Variants in MNAT1 observed in about 807,000 individuals in gnomAD.
MNAT1 encodes MNAT1 component of CDK activating kinase, also known as CDK-activating kinase assembly factor MAT1.
A neutral mutation model predicts 42.0 loss-of-function variants in MNAT1; 43 were observed. That is an observed-to-expected ratio of 1.02 (90% CI 0.80 to 1.32). MNAT1 has a LOEUF of 1.32. Among genes scored for constraint, MNAT1 ranks in the 40% most tolerant of loss-of-function variants. The pLI is 0.00. For missense variants in MNAT1, 306 were observed against 350.4 expected, an observed-to-expected ratio of 0.87 and a Z score of 1.01; for synonymous variants, 118 against 120.0, an observed-to-expected ratio of 0.98 and a Z score of 0.11.
intron 6 of MNAT1, among the ~76,000 whole-genome samples, chr14:60,828,976 T>G (rs183683111): frequency 6.6e-6 from 1 of 152,308 alleles, no homozygotes; most frequent in African/African-American, 2.4e-5. Flanking sequence ...CACCTCCATG[T>G]GTTCAGCAAC....
At chr14:60,896,392 A>T (rs1028737355) in intron 7 of MNAT1, among the ~76,000 whole-genome samples, 1 of 152,116 alleles carries the variant, frequency 6.6e-6, no homozygotes, top group Admixed American at 6.5e-5. Flanking sequence ...ACTACCTTCC[A>T]CTCAAAGAAG....
At chr14:60,895,724 G>C (rs2034942827) in intron 7 of MNAT1, among the ~76,000 whole-genome samples, 1 of 152,068 alleles carries the variant, frequency 6.6e-6, no homozygotes, top group Non-Finnish European at 1.5e-5. Flanking sequence ...TTGACACCAG[G>C]AGTTCAAGAC....
chr14:60,768,770 A>G (rs1006145271), intron 1 of MNAT1, among the ~76,000 whole-genome samples: 3 of 152,238 alleles, frequency 2.0e-5, no homozygotes, highest in African/African-American at 7.2e-5. Context: ...ACAAACTAGT[A>G]AATGGCTCAG....
chr14:60,735,686 A>T (rs1896285692), intron 1 of MNAT1, among the ~76,000 whole-genome samples: 2 of 152,338 alleles, frequency 1.3e-5, no homozygotes, highest in South Asian at 2.1e-4. Flanking sequence ...GAACCCAGGA[A>T]GTCTGACTTT....
At chr14:60,854,241 G>C (rs1376196615) in intron 6 of MNAT1, among the ~76,000 whole-genome samples, 1 of 152,124 alleles carries the variant, frequency 6.6e-6, no homozygotes, top group East Asian at 1.9e-4. Context: ...CATTGAGTTA[G>C]AACGTGCTCC....
intron 1 of MNAT1, among the ~76,000 whole-genome samples, chr14:60,748,318 C>G (rs1258391418): frequency 6.6e-6 from 1 of 152,136 alleles, no homozygotes; most frequent in Non-Finnish European, 1.5e-5. Flanking sequence ...GCAGTCTTGA[C>G]ATCCCTGGCT....
chr14:60,844,857 CAA>C (rs1327004474), intron 6 of MNAT1, among the ~76,000 whole-genome samples: 3 of 151,968 alleles, frequency 2.0e-5, no homozygotes, highest in Non-Finnish European at 4.4e-5. Flanking sequence ...TGAATTCTGT[CAA>C]GTGCTTTTTC....
At chr14:60,742,464 T>C (rs749090239) in intron 1 of MNAT1, among the ~76,000 whole-genome samples, 1 of 152,214 alleles carries the variant, frequency 6.6e-6, no homozygotes, top group Non-Finnish European at 1.5e-5. Context: ...TTGTTGTTAT[T>C]TTTGCTTTAA....
chr14:60,936,310 T>C (rs995186958), intron 7 of MNAT1, among the ~76,000 whole-genome samples: 1 of 152,134 alleles, frequency 6.6e-6, no homozygotes, highest in African/African-American at 2.4e-5. Context: ...ACATGTGTCA[T>C]GTTGGTGTGC....
chr14:60,796,035 A>G (rs549664296), intron 1 of MNAT1, among the ~76,000 whole-genome samples, 182 bp from the exon 2 acceptor site: 44 of 152,352 alleles, frequency 2.9e-4, no homozygotes, highest in African/African-American at 1.0e-3. Context: ...TGGGATACCT[A>G]TATCTGAAAA....
At chr14:60,901,518 G>C (rs1346081138) in intron 7 of MNAT1, among the ~76,000 whole-genome samples, 1 of 152,160 alleles carries the variant, frequency 6.6e-6, no homozygotes, top group Non-Finnish European at 1.5e-5. Flanking sequence ...TTCCTCTGAT[G>C]GATCTGGATG....
rs144070767 is a variant in MNAT1, at chr14:60,877,244, T to C, written c.688-2470T>C. Among the ~76,000 whole-genome samples, 1,084 of 152,198 alleles carry C rather than the reference T, an allele frequency of 7.1e-3. 17 individuals carry two copies. Among genetic ancestry groups the C allele is most frequent in the African/African-American group, 0.025 (1,028 of 41,568 alleles). On this transcript the variant is annotated intron_variant, in intron 6 of 7. Transcript: ENST00000261245. ...ACCTATTGGCAATATGTATATCTTA[T>C]GTGGTGAAATCTCTGTTCAAATCCT...
rs886865672 is a variant in MNAT1, at chr14:60,904,297, TTGG to T, written c.809+24467_809+24469del. Among the ~76,000 whole-genome samples, 5 of 152,338 alleles carry T rather than the reference TTGG, an allele frequency of 3.3e-5. 1 individual carries two copies. Among genetic ancestry groups the T allele is most frequent in the Admixed American group, 1.3e-4 (2 of 15,306 alleles). On this transcript the variant is annotated intron_variant, in intron 7 of 7. Coordinates refer to ENST00000261245, the MANE Select transcript of MNAT1 (RefSeq NM_002431.4). The stretch of plus-strand genomic sequence containing the variant: ...ATATAACATATAATTTATACTATAC[TTGG>T]TGGTAATTATGAAAATATTACTAAA...
rs35945471 is a variant in MNAT1 at position 60,834,923 on chromosome 14, CCCTTCCTTCCTTCCTTCCTT to C, written c.687+16112_687+16131del. Reference sequence around the variant, plus strand: ...TTGATCCCTTTACCATTATGTAGTGCCCTTCCTTCCTTCCTTCCTTCCTTCCTTCCTTCCTTCCTTCCTTC... The same window carrying C: ...TTGATCCCTTTACCATTATGTAGTGCCCTTCCTTCCTTCCTTCCTTCCTTC... On this transcript the variant is annotated intron_variant, in intron 6 of 7. Coordinates refer to ENST00000261245, the MANE Select transcript of MNAT1 (RefSeq NM_002431.4). 7.9e-3 allele frequency among the ~76,000 whole-genome samples: 746 copies of C among 93,936 alleles called. 8 individuals carry two copies. Among genetic ancestry groups the C allele is most frequent in the African/African-American group, 0.029 (639 of 22,030 alleles). The allele number at this position is 93,936 out of a possible 152,430, so 61.6% of individuals were successfully genotyped here.
intron 7 of MNAT1, among the ~76,000 whole-genome samples, chr14:60,894,690 G>T (rs1472154360): frequency 6.6e-6 from 1 of 151,848 alleles, no homozygotes; most frequent in African/African-American, 2.4e-5. Context: ...GTGTTTGTGT[G>T]TGTGTCTGTT....
chr14:60,923,372 A>G lies in MNAT1; in HGVS notation c.809+43537A>G, dbSNP rs550827835. 2.8e-3 allele frequency among the ~76,000 whole-genome samples: 427 copies of G among 152,314 alleles called. 2 individuals are homozygous for G. The highest frequency in any genetic ancestry group is 9.8e-3 in the African/African-American group (407 of 41,550). ...AGAACCACTAGCTTAATCTTCGTTA[A>G]TAGCCTTCTAGACCTTTTTTGTTAT... On this transcript the variant is annotated intron_variant, in intron 7 of 7. Coordinates refer to ENST00000261245, the MANE Select transcript of MNAT1 (RefSeq NM_002431.4).
At chr14:60,941,775 C>T (rs548298725) in intron 7 of MNAT1, among the ~76,000 whole-genome samples, 22 of 151,058 alleles carry the variant, frequency 1.5e-4, no homozygotes, top group Non-Finnish European at 3.1e-4. Flanking sequence ...GAGGCTGAGG[C>T]GGGCGGATCA....
At chr14:60,784,845 C>T (rs1182403383) in intron 1 of MNAT1, among the ~76,000 whole-genome samples, 1 of 151,658 alleles carries the variant, frequency 6.6e-6, no homozygotes, top group Non-Finnish European at 1.5e-5. Flanking sequence ...AAATGTGTAG[C>T]TATAGCTAAC....
At chr14:60,747,024 C>T (rs1443829829) in intron 1 of MNAT1, among the ~76,000 whole-genome samples, 7 of 140,914 alleles carry the variant, frequency 5.0e-5, no homozygotes, top group East Asian at 2.1e-4. Context: ...CTCGCTCTGT[C>T]GCCCAGTCTG....
Sources: gnomAD v4.1 joint callset for allele counts (sites outside exome capture counted in the v4.1 genomes callset) on GRCh38, gnomAD v4.1.1 for gene constraint, MANE v1.5 for transcripts, NCBI Gene and HGNC (gene_info 2026-07-23, HGNC 2026-07-21) for gene names.